The following ARSG variants were observed in gnomAD, a reference collection of about 807,000 sequenced individuals.
ARSG encodes arylsulfatase G.
A neutral mutation model predicts 50.5 loss-of-function variants in ARSG; 37 were observed. That is an observed-to-expected ratio of 0.73 (90% CI 0.56 to 0.96). The LOEUF (loss-of-function observed/expected upper bound fraction) is 0.96, where lower values mean the gene tolerates loss of function less well. Ranked by LOEUF, ARSG falls within the 50% of genes least tolerant of loss-of-function variation. The pLI is 0.00. For synonymous variants in ARSG, 225 were observed against 254.6 expected (o/e 0.88, Z 1.11); for missense variants, 629 against 675.3 (o/e 0.93, Z 0.76).
rs923042513 is a variant in ARSG at position 68,417,664 on chromosome 17, C to G, written c.1304-2525C>G. Among the ~76,000 whole-genome samples, 4 of 147,546 alleles carry G rather than the reference C, an allele frequency of 2.7e-5. No homozygotes were observed. The South Asian group carries it at 6.4e-4, about 23-fold the overall frequency. ...ATTGTTTCTATTTGCTTGTCTGTCTCTCTAATTTTGGGGGCAGTAGTTTGC... is the reference window on the plus strand; with the variant it reads ...ATTGTTTCTATTTGCTTGTCTGTCTGTCTAATTTTGGGGGCAGTAGTTTGC... On this transcript the variant is annotated intron_variant, in intron 11 of 11. Coordinates refer to ENST00000621439, the MANE Select transcript of ARSG (RefSeq NM_001267727.2).
At position 68,420,429 on chromosome 17, in the gene ARSG, C is replaced by A. The variant is rs1555796341; in HGVS notation, c.1544C>A (p.Pro515His). The change falls in exon 12 of 12, where the codon CCC (proline) becomes CAC (histidine). Residue 515 changes from proline to histidine, a missense_variant. Coordinates refer to ENST00000621439, the MANE Select transcript of ARSG (RefSeq NM_001267727.2). ...CCTTCAGTAACTCCCTGCTGTAATC[C>A]CTACCAAATTGCCTGCCGCTGTCAA... ...QDPSVTPCCN[P>H]YQIACRCQAA 2 of 1,614,110 alleles carry A rather than the reference C, an allele frequency of 1.2e-6. No homozygotes were observed. Among genetic ancestry groups the A allele is most frequent in the Non-Finnish European group, 8.5e-7 (1 of 1,179,960 alleles).
At chr17:68,433,005 G>C in the ARSG span, among the ~76,000 whole-genome samples, 2 of 152,156 alleles carry the variant, frequency 1.3e-5, no homozygotes, top group African/African-American at 2.4e-5. Context: ...TAAGCCCTGA[G>C]AAATTGCAGG....
At chr17:68,320,162 G>A (rs1001693202) in intron 2 of ARSG, among the ~76,000 whole-genome samples, 2 of 152,104 alleles carry the variant, frequency 1.3e-5, no homozygotes, top group South Asian at 2.1e-4. Context: ...GATGGCGTGC[G>A]CCTGTAGTCC....
intron 9 of ARSG, among the ~76,000 whole-genome samples, chr17:68,388,721 T>C (rs2080844291): frequency 6.6e-6 from 1 of 151,980 alleles, no homozygotes; most frequent in African/African-American, 2.4e-5. Context: ...GGTCAGGAGT[T>C]CGAGACCAGC....
downstream of ARSG, chr17:68,422,755 A>AT (rs58432929): frequency 1.4e-5 from 2 of 146,516 alleles, no homozygotes; most frequent in Non-Finnish European, 3.0e-5. Context: ...AAAAAAAAAA[A>AT]GGGAAGGTCA....
At chr17:68,355,560 G>A (rs1446036062) in intron 5 of ARSG, among the ~76,000 whole-genome samples, 2 of 152,056 alleles carry the variant, frequency 1.3e-5, no homozygotes, top group Non-Finnish European at 2.9e-5. Flanking sequence ...TCACCATGTT[G>A]GCCAGGCTGG....
chr17:68,330,682 G>T (rs552865899), intron 2 of ARSG, among the ~76,000 whole-genome samples: 16 of 152,174 alleles, frequency 1.1e-4, no homozygotes, highest in East Asian at 1.9e-4. Flanking sequence ...GCAGAAACTG[G>T]CAAAGGAAGC....
chr17:68,295,266 G>A (rs2076164133), intron 1 of ARSG, among the ~76,000 whole-genome samples: 2 of 152,052 alleles, frequency 1.3e-5, no homozygotes, highest in Non-Finnish European at 2.9e-5. Flanking sequence ...GGGACAGTGA[G>A]GTCACCTTCC....
At chr17:68,292,841 C>T (rs1471271562) in intron 1 of ARSG, among the ~76,000 whole-genome samples, 1 of 152,120 alleles carries the variant, frequency 6.6e-6, no homozygotes, top group East Asian at 1.9e-4. Context: ...TAGTGTACAG[C>T]CAAGGGGCCG....
At chr17:68,442,834 C>A in the ARSG span, among the ~76,000 whole-genome samples, 17 of 151,962 alleles carry the variant, frequency 1.1e-4, no homozygotes, top group Non-Finnish European at 1.8e-4. Flanking sequence ...CAGACCACCT[C>A]AGACAGACTG....
intron 9 of ARSG, among the ~76,000 whole-genome samples, chr17:68,387,864 T>C (rs1010689583): frequency 6.6e-6 from 1 of 152,064 alleles, no homozygotes; most frequent in Non-Finnish European, 1.5e-5. Flanking sequence ...GATATAAATA[T>C]GAATACAGAA....
chr17:68,304,503 G>A (rs972200170), intron 1 of ARSG, among the ~76,000 whole-genome samples: 7 of 152,144 alleles, frequency 4.6e-5, no homozygotes, highest in Non-Finnish European at 7.4e-5. Flanking sequence ...TTTTTATCCC[G>A]GTCTTCCAAA....
chr17:68,367,638 T>C lies in ARSG; in HGVS notation c.705-910T>C, dbSNP rs1157183301. 1.3e-5 allele frequency among the ~76,000 whole-genome samples: 2 copies of C among 152,138 alleles called. No homozygotes were observed. The highest frequency in any genetic ancestry group is 2.4e-5 in the African/African-American group (1 of 41,434). The stretch of plus-strand genomic sequence containing the variant: ...CCTCCAAGCCTTTCATTCTGCACTT[T>C]CCAGGGAAATCAGGATGAGTACAGA... On this transcript the variant is annotated intron_variant, in intron 6 of 11. Transcript: ENST00000621439. This position sits in a 1 kb window ranked among gnomAD's most constrained non-coding sequence, Gnocchi z 4.5.
intron 1 of ARSG, among the ~76,000 whole-genome samples, chr17:68,276,494 G>A (rs1467113554): frequency 1.3e-5 from 2 of 152,064 alleles, no homozygotes; most frequent in African/African-American, 4.8e-5. Context: ...TGTTGCCCAG[G>A]CTGGAATGCA....
the ARSG span, among the ~76,000 whole-genome samples, chr17:68,430,717 T>C: frequency 0.052 from 7,982 of 152,218 alleles, 707 homozygotes; most frequent in African/African-American, 0.18. Flanking sequence ...TCGCCTACAG[T>C]CATGGAACTT....
intron 2 of ARSG, among the ~76,000 whole-genome samples, chr17:68,333,721 A>C (rs1386978292): frequency 6.6e-6 from 1 of 152,020 alleles, no homozygotes; most frequent in Admixed American, 6.6e-5. Flanking sequence ...AGTGTGAGCC[A>C]AGAGGATCCT....
At chr17:68,284,103 CAAAAAAAAA>C (rs1189737736) in intron 1 of ARSG, among the ~76,000 whole-genome samples, 9 of 56,516 alleles carry the variant, frequency 1.6e-4, no homozygotes, top group African/African-American at 5.8e-4. Flanking sequence ...GACTCTGTCT[CAAAAAAAAA>C]AAAAAAAAAA....
rs368506056 is a variant in ARSG, at chr17:68,352,512, C to CTT, written c.566+840_566+841dup. On this transcript the variant is annotated intron_variant, in intron 5 of 11. Transcript: ENST00000621439. Reference sequence around the variant, plus strand: ...AGGGTTTTCATTTTCTTTTTTCTTTCTTTTTTTTTTTTTTTGAGATGGAGT... The same window carrying CTT: ...AGGGTTTTCATTTTCTTTTTTCTTTCTTTTTTTTTTTTTTTTTGAGATGGAGT... Among the ~76,000 whole-genome samples the CTT allele has an allele frequency of 1.1e-3, 157 of 139,726 alleles. 2 individuals carry two copies. Among genetic ancestry groups the CTT allele is most frequent in the Non-Finnish European group, 1.6e-3 (102 of 64,722 alleles). The allele number at this position is 139,726 out of a possible 152,430, so 91.7% of individuals were successfully genotyped here. A position where few individuals can be genotyped will look rare whatever the true frequency, so the allele number is the denominator to read the frequency against.
At chr17:68,327,544 G>T (rs1472389549) in intron 2 of ARSG, among the ~76,000 whole-genome samples, 1 of 151,938 alleles carries the variant, frequency 6.6e-6, no homozygotes, top group Admixed American at 6.6e-5. Context: ...CTGTGTCTTC[G>T]CAGCATTCTC....
Sources: gnomAD v4.1 joint callset for allele counts (sites outside exome capture counted in the v4.1 genomes callset) on GRCh38, gnomAD v4.1.1 for gene constraint, Gnocchi (gnomAD v3.1) non-coding constraint, MANE v1.5 for transcripts, NCBI Gene and HGNC (gene_info 2026-07-23, HGNC 2026-07-21) for gene names.